Variants in LRRC58 observed in about 807,000 individuals in gnomAD.
LRRC58 encodes leucine rich repeat containing 58, also known as leucine-rich repeat-containing protein 58.
LRRC58 carries 18 observed loss-of-function variants against 30.6 expected under a neutral mutation model. The ratio of observed to expected loss-of-function variants is 0.59; its 90% CI spans 0.41 to 0.87. The LOEUF (loss-of-function observed/expected upper bound fraction) is 0.87. LRRC58 is among the 40% of genes least tolerant of loss of function. The pLI, the probability that LRRC58 is intolerant of heterozygous loss-of-function variation, is 0.00. For synonymous variants in LRRC58, 221 were observed against 206.0 expected, an observed-to-expected ratio of 1.07 and a Z score of -0.62; for missense variants, 420 against 468.4, an observed-to-expected ratio of 0.90 and a Z score of 0.95.
At chr3:120,333,290 T>C (rs951938368) in intron 3 of LRRC58, among the ~76,000 whole-genome samples, 3 of 152,172 alleles carry the variant, frequency 2.0e-5, no homozygotes, top group African/African-American at 7.2e-5. Flanking sequence ...AGAGAATTCC[T>C]GTAGAGGTCC....
chr3:120,334,463 G>A (rs1387687854), intron 3 of LRRC58, among the ~76,000 whole-genome samples: 21 of 151,960 alleles, frequency 1.4e-4, no homozygotes, highest in African/African-American at 4.1e-4. Context: ...AGCCGAGATC[G>A]CGCCACTGCA....
chr3:120,349,090 G>A lies in LRRC58; in HGVS notation c.154C>T (p.Pro52Ser), dbSNP rs995502741. The A allele has an allele frequency of 4.5e-5, 68 of 1,513,752 alleles. No individual in the cohort carries two copies. The highest frequency in any genetic ancestry group is 5.4e-5 in the Non-Finnish European group (62 of 1,139,610). The allele number at this position is 1,513,752 out of a possible 1,614,324, so 93.8% of individuals were successfully genotyped here. ...GGCAGCGACACCAGACGGTTGTGAG[G>A]CAGCAGCAGCCGCAGCAGCGCCTCC... ...AREALLRLLLPHNRLVSLPRA... is the reference protein window; with the variant it reads ...AREALLRLLLSHNRLVSLPRA... Residue 52 changes from proline (P) to serine (S), a missense_variant, in exon 1 of 4, where the codon CCT (proline) becomes TCT (serine). Physicochemically the swap from Pro to Ser is moderately conservative, Grantham distance 74. Coordinates refer to ENST00000295628, the MANE Select transcript of LRRC58 (RefSeq NM_001099678.2).
chr3:120,346,967 T>C (rs1192865769), intron 1 of LRRC58, among the ~76,000 whole-genome samples: 1 of 152,206 alleles, frequency 6.6e-6, no homozygotes, highest in African/African-American at 2.4e-5. Context: ...AAATTTATAT[T>C]TGCCACTTTC....
chr3:120,334,480 C>G (rs1394144105), intron 3 of LRRC58, among the ~76,000 whole-genome samples: 1 of 151,608 alleles, frequency 6.6e-6, no homozygotes, highest in Non-Finnish European at 1.5e-5. Flanking sequence ...TGCACTCCAG[C>G]CTGGGCAACA....
Position 120,326,158 on chromosome 3 carries a change from C to T in LRRC58, c.*5042G>A, listed in dbSNP as rs1160858678. 1 of 151,870 alleles carries T rather than the reference C, an allele frequency of 6.6e-6. No homozygotes were observed. The highest frequency in any genetic ancestry group is 2.4e-5 in the African/African-American group (1 of 41,322). The allele number at this position is 151,870 out of a possible 1,614,324, so 9.4% of individuals were successfully genotyped here. A position where few individuals can be genotyped will look rare whatever the true frequency, so the allele number is the denominator to read the frequency against. On this transcript the variant is annotated 3_prime_UTR_variant, in exon 4 of 4. Transcript: ENST00000295628. Reference sequence around the variant, plus strand: ...ATACGACTATGAAAATACAAAATTGCACGCAATTTTTTTTTTATTTTTATT... The same window carrying T: ...ATACGACTATGAAAATACAAAATTGTACGCAATTTTTTTTTTATTTTTATT...
At chr3:120,333,800 C>T in intron 3 of LRRC58, among the ~76,000 whole-genome samples, 1 of 152,220 alleles carries the variant, frequency 6.6e-6, no homozygotes, top group Admixed American at 6.5e-5. Flanking sequence ...CTCCCCTAAC[C>T]TTACATTTGG....
rs1435766327 is a variant in LRRC58 at position 120,334,994 on chromosome 3, G to A, written c.775C>T (p.Pro259Ser). Reference protein sequence around the residue: ...VRFVRDLTYDPPTLLELAART... With the variant: ...VRFVRDLTYDSPTLLELAART... ...GCAGCTAATTCCAGGAGAGTTGGAG[G>A]ATCATAGGTTAAATCTCTAACAAAA... Residue 259 changes from proline (P) to serine (S), a missense_variant, in exon 3 of 4, where the codon CCT (proline) becomes TCT (serine). Coordinates refer to ENST00000295628, the MANE Select transcript of LRRC58 (RefSeq NM_001099678.2). 1 of 1,613,774 alleles carries A rather than the reference G, an allele frequency of 6.2e-7. No homozygotes were observed. The highest frequency in any genetic ancestry group is 8.5e-7 in the Non-Finnish European group (1 of 1,179,868).
At position 120,326,843 on chromosome 3, in the gene LRRC58, C is replaced by A. The variant is rs1935682000; in HGVS notation, c.*4357G>T. 1 of 152,166 alleles carries A rather than the reference C, an allele frequency of 6.6e-6. No individual in the cohort carries two copies. Among genetic ancestry groups the A allele is most frequent in the Admixed American group, 6.5e-5 (1 of 15,282 alleles). The allele number at this position is 152,166 out of a possible 1,614,324, so 9.4% of individuals were successfully genotyped here. A position where few individuals can be genotyped will look rare whatever the true frequency, so the allele number is the denominator to read the frequency against. On this transcript the variant is annotated 3_prime_UTR_variant, in exon 4 of 4. Transcript: ENST00000295628. ...GAATAATAACCATTAACTTTTTTTA[C>A]ATAGCTACTGCTAAAATGCTTTAAA...
At chr3:120,344,021 A>G (rs949550723) in intron 1 of LRRC58, among the ~76,000 whole-genome samples, 1 of 152,122 alleles carries the variant, frequency 6.6e-6, no homozygotes, top group Non-Finnish European at 1.5e-5. Flanking sequence ...CTTGGTGGAC[A>G]GGGCGAGACT....
At chr3:120,342,658 C>G (rs1935918888) in intron 1 of LRRC58, among the ~76,000 whole-genome samples, 1 of 152,232 alleles carries the variant, frequency 6.6e-6, no homozygotes. Flanking sequence ...CTCAGCTGTT[C>G]TAACAGTAAA....
At chr3:120,347,043 T>C (rs1935977067) in intron 1 of LRRC58, among the ~76,000 whole-genome samples, 1 of 152,244 alleles carries the variant, frequency 6.6e-6, no homozygotes, top group South Asian at 2.1e-4. Flanking sequence ...TCCTTGCCTC[T>C]GGGCTTTCCC....
Position 120,336,307 on chromosome 3 carries a change from C to T in LRRC58, c.501-354G>A, listed in dbSNP as rs149988835. ...CCACAGTAGTTCTGAATGGAACAGG[C>T]TTCCCCAAAGGGCTGTGACTTCAGC... On this transcript the variant is annotated intron_variant, in intron 1 of 3. Coordinates refer to ENST00000295628, the MANE Select transcript of LRRC58 (RefSeq NM_001099678.2). Among the ~76,000 whole-genome samples, 595 of 152,304 alleles carry T rather than the reference C, an allele frequency of 3.9e-3. 6 individuals carry two copies. Among genetic ancestry groups the T allele is most frequent in the African/African-American group, 0.013 (552 of 41,560 alleles).
Position 120,325,960 on chromosome 3 carries a change from A to T in LRRC58, c.*5240T>A, listed in dbSNP as rs1221341121. Reference sequence around the variant, plus strand: ...CTGATACACATTAGGCCATTTTATGAGAAGGAATCTGTCAGGATCACAGTC... The same window carrying T: ...CTGATACACATTAGGCCATTTTATGTGAAGGAATCTGTCAGGATCACAGTC... On this transcript the variant is annotated 3_prime_UTR_variant, in exon 4 of 4. Transcript: ENST00000295628. The T allele has an allele frequency of 6.6e-6, 1 of 152,164 alleles. No individual in the cohort carries two copies. The highest frequency in any genetic ancestry group is 2.4e-5 in the African/African-American group (1 of 41,454). The allele number at this position is 152,164 out of a possible 1,614,324, so 9.4% of individuals were successfully genotyped here.
At chr3:120,335,404 T>C (rs1353595374) in intron 2 of LRRC58, among the ~76,000 whole-genome samples, 3 of 152,182 alleles carry the variant, frequency 2.0e-5, no homozygotes, top group African/African-American at 4.8e-5. Context: ...AAACCTAGAT[T>C]TGAAGATTTG....
rs1440280827 is a variant in LRRC58, at chr3:120,327,690, C to A, written c.*3510G>T. The A allele has an allele frequency of 1.3e-5, 2 of 152,196 alleles. No individual in the cohort carries two copies. The highest frequency in any genetic ancestry group is 4.8e-5 in the African/African-American group (2 of 41,434). 9.4% of individuals were successfully genotyped at this position (152,196 alleles called of 1,614,324 possible). On this transcript the variant is annotated 3_prime_UTR_variant, in exon 4 of 4. Coordinates refer to ENST00000295628, the MANE Select transcript of LRRC58 (RefSeq NM_001099678.2). ...GGACTGCTTTTTACTTTAATTTACA[C>A]AAACACAAAAACTGCTCAAATTTGA...
chr3:120,327,222 C>T lies in LRRC58; in HGVS notation c.*3978G>A, dbSNP rs1935688693. On this transcript the variant is annotated 3_prime_UTR_variant, in exon 4 of 4. Transcript: ENST00000295628. ...CCCTAGGTGTTTGGTGACTTCTCTT[C>T]TAGCCCTGTGGCTTCTAAAGATTTC... 6.7e-6 allele frequency: 1 copy of T among 148,390 alleles called. No homozygotes were observed. Among genetic ancestry groups the T allele is most frequent in the Non-Finnish European group, 1.5e-5 (1 of 67,294 alleles). 9.2% of individuals were successfully genotyped at this position (148,390 alleles called of 1,614,324 possible). A position where few individuals can be genotyped will look rare whatever the true frequency, so the allele number is the denominator to read the frequency against.
chr3:120,349,008 G>T lies in LRRC58; in HGVS notation c.236C>A (p.Ala79Glu). ...CAGCTCCGGCCCGAGCGCGGTCAAC[G>T]CGTTGCCGCTCACGTCCAGCAGCTG... is the stretch of plus-strand genomic sequence containing the variant. ...HLQLLDVSGN[A>E]LTALGPELLA... Residue 79 changes from alanine to glutamate, a missense_variant, in exon 1 of 4, where the codon GCG becomes GAG. Transcript: ENST00000295628. 6.6e-7 allele frequency: 1 copy of T among 1,521,178 alleles called. No homozygotes were observed. The highest frequency in any genetic ancestry group is 8.8e-7 in the Non-Finnish European group (1 of 1,141,556). The allele number at this position is 1,521,178 out of a possible 1,614,324, so 94.2% of individuals were successfully genotyped here.
Position 120,329,991 on chromosome 3 carries a change from A to T in LRRC58, c.*1209T>A, listed in dbSNP as rs1286770642. ...TTAATAATTTTTTTCTATTTTATTA[A>T]TACTTTATTTTCAAAAATGCTTCCA... On this transcript the variant is annotated 3_prime_UTR_variant, in exon 4 of 4. Transcript: ENST00000295628. 1 of 151,996 alleles carries T rather than the reference A, an allele frequency of 6.6e-6. No individual in the cohort carries two copies. Among genetic ancestry groups the T allele is most frequent in the Non-Finnish European group, 1.5e-5 (1 of 67,906 alleles). 9.4% of individuals were successfully genotyped at this position (151,996 alleles called of 1,614,324 possible). A position where few individuals can be genotyped will look rare whatever the true frequency, so the allele number is the denominator to read the frequency against.
At chr3:120,347,848 TC>T (rs1484761497) in intron 1 of LRRC58, among the ~76,000 whole-genome samples, 1 of 152,126 alleles carries the variant, frequency 6.6e-6, no homozygotes, top group Non-Finnish European at 1.5e-5. Flanking sequence ...TATTTCCCAC[TC>T]CCCCACCGGG....
Sources: gnomAD v4.1 joint callset for allele counts (sites outside exome capture counted in the v4.1 genomes callset) on GRCh38, gnomAD v4.1.1 for gene constraint, MANE v1.5 for transcripts, NCBI Gene and HGNC (gene_info 2026-07-23, HGNC 2026-07-21) for gene names.